The following LOXHD1 variants were observed in gnomAD, a reference collection of about 807,000 sequenced individuals.
LOXHD1 encodes lipoxygenase homology PLAT domains 1.
LOXHD1 carries 205 observed loss-of-function variants against 248.2 expected under a neutral mutation model. The ratio of observed to expected loss-of-function variants is 0.83; its 90% CI spans 0.74 to 0.93. The LOEUF (loss-of-function observed/expected upper bound fraction) is 0.93, where lower values mean the gene tolerates loss of function less well. Among genes scored for constraint, LOXHD1 ranks in the 40% least tolerant of loss-of-function variants. The probability of loss-of-function intolerance (pLI) is 0.00; values close to 1 mark genes in which losing one functional copy is unlikely to be tolerated. For synonymous variants in LOXHD1, 1,113 were observed against 1,162.8 expected (o/e 0.96, Z 0.87); for missense variants, 2,930 against 2,971.6 (o/e 0.99, Z 0.33).
At chr18:46,585,256 G>A (rs670609) in intron 12 of LOXHD1, among the ~76,000 whole-genome samples, 30,116 of 152,016 alleles carry the variant, frequency 0.2, 3,522 homozygotes, top group African/African-American at 0.31. Flanking sequence ...AAAGGAAGAA[G>A]TATCTTATTC....
intron 37 of LOXHD1, among the ~76,000 whole-genome samples, chr18:46,502,931 C>T (rs2034327782): frequency 6.6e-6 from 1 of 152,100 alleles, no homozygotes; most frequent in Non-Finnish European, 1.5e-5. Flanking sequence ...TTCTTCCTTC[C>T]CAGGGTTCTA....
intron 6 of LOXHD1, among the ~76,000 whole-genome samples, chr18:46,609,275 C>CA (rs1292490041): frequency 1.3e-5 from 2 of 152,168 alleles, no homozygotes; most frequent in African/African-American, 4.8e-5. Context: ...GCAGCTGCAC[C>CA]AGCCCTGAGC....
At chr18:46,526,219 A>T (rs1380036776) in intron 29 of LOXHD1, among the ~76,000 whole-genome samples, 2 of 152,160 alleles carry the variant, frequency 1.3e-5, no homozygotes, top group African/African-American at 2.4e-5. Context: ...GATGTTTACC[A>T]CAGATAATTT....
At chr18:46,561,547 C>G (rs2037530607) in intron 18 of LOXHD1, among the ~76,000 whole-genome samples, 1 of 152,204 alleles carries the variant, frequency 6.6e-6, no homozygotes, top group Admixed American at 6.5e-5. Context: ...GGGGTTTGAT[C>G]CTTCTCAAAG....
chr18:46,529,132 C>T (rs532836820), intron 29 of LOXHD1, 45 bp downstream of exon 29: 1 of 1,549,818 alleles, frequency 6.5e-7, no homozygotes, highest in East Asian at 2.4e-5. Flanking sequence ...GATCGCTGGG[C>T]CTGGAGAGGA....
At position 46,534,464 on chromosome 18, in the gene LOXHD1, G is replaced by A; in HGVS notation, c.4096-13C>T. The A allele has an allele frequency of 6.5e-7, 1 of 1,535,646 alleles. No homozygotes were observed. The highest frequency in any genetic ancestry group is 8.8e-7 in the Non-Finnish European group (1 of 1,132,320). On this transcript the variant is annotated splice_polypyrimidine_tract_variant and intron_variant, in intron 26 of 40. Coordinates refer to ENST00000642948, the MANE Select transcript of LOXHD1 (RefSeq NM_001384474.1). The stretch of plus-strand genomic sequence containing the variant: ...CCACATCTTCTAACTTTGGAAAGGA[G>A]ATAAGGCACTGAATGTTAGCTGAAA...
chr18:46,477,813 T>C lies in LOXHD1; in HGVS notation c.6481A>G (p.Thr2161Ala), dbSNP rs2032151816. The C allele has an allele frequency of 1.3e-6, 2 of 1,551,852 alleles. No individual in the cohort carries two copies. The highest frequency in any genetic ancestry group is 4.9e-5 in the East Asian group (2 of 40,926). Reference protein sequence around the residue: ...LVPVKYEVIVTTGYEPGAGTD... With the variant: ...LVPVKYEVIVATGYEPGAGTD... ...CCTGCCCCTGGCTCATAGCCTGTTG[T>C]CACGATGACTTCGTACTTGACGGGC... is the stretch of plus-strand genomic sequence containing the variant. Residue 2161 changes from threonine (T) to alanine (A), a missense_variant, in exon 41 of 41, where the codon ACA (threonine) becomes GCA (alanine). Physicochemically the swap from Thr to Ala is moderately conservative, Grantham distance 58 (BLOSUM62 0). Coordinates refer to ENST00000642948, the MANE Select transcript of LOXHD1 (RefSeq NM_001384474.1).
intron 21 of LOXHD1, among the ~76,000 whole-genome samples, chr18:46,548,902 T>C (rs1368043374): frequency 6.6e-6 from 1 of 152,210 alleles, no homozygotes; most frequent in African/African-American, 2.4e-5. Context: ...GATACTTGCA[T>C]CATGACTTTA....
chr18:46,610,944 A>C lies in LOXHD1; in HGVS notation c.611-20T>G, dbSNP rs774128977. On this transcript the variant is annotated intron_variant, in intron 5 of 40. Coordinates refer to ENST00000642948, the MANE Select transcript of LOXHD1 (RefSeq NM_001384474.1). ...GCTCCCCTGTATGCACAGACATACAAAAGAAATTACAAAAAGACCAGAAGA... is the reference window on the plus strand; with the variant it reads ...GCTCCCCTGTATGCACAGACATACACAAGAAATTACAAAAAGACCAGAAGA... 39 of 1,549,330 alleles carry C rather than the reference A, an allele frequency of 2.5e-5. No homozygotes were observed. The Admixed American group carries it at 2.8e-4, about 11-fold the overall frequency.
At chr18:46,491,141 C>T (rs1360043155) in intron 37 of LOXHD1, among the ~76,000 whole-genome samples, 2 of 152,192 alleles carry the variant, frequency 1.3e-5, no homozygotes, top group African/African-American at 2.4e-5. Context: ...TGTCCTCCTC[C>T]CACCATTCAT....
Position 46,559,556 on chromosome 18 carries a change from G to A in LOXHD1, c.3108C>T (p.Ala1036=), listed in dbSNP as rs727503145. Residue 1036 remains alanine (A), a synonymous_variant, in exon 20 of 41, where the codon GCC becomes GCT. Coordinates refer to ENST00000642948, the MANE Select transcript of LOXHD1 (RefSeq NM_001384474.1). ...TTAGGTAGACGTTAGCATCAGTGCC[G>A]GCCTTGGGCACATTCCCCGTGACCA... The part of the protein sequence containing the change: ...VQVVTGNVPK[A]GTDANVYLTI... The A allele has an allele frequency of 1.4e-5, 22 of 1,551,880 alleles. No homozygotes were observed. The highest frequency in any genetic ancestry group is 4.1e-5 in the African/African-American group (3 of 73,144).
At chr18:46,569,699 AG>A in intron 15 of LOXHD1, 61 bp from the exon 16 acceptor site, 1 of 1,400,692 alleles carries the variant, frequency 7.1e-7, no homozygotes, top group South Asian at 1.3e-5. Flanking sequence ...GACAGGAAGC[AG>A]GGTGCGTGTA....
chr18:46,509,643 C>G, intron 35 of LOXHD1, 55 bp downstream of exon 35: 2 of 1,310,706 alleles, frequency 1.5e-6, no homozygotes, highest in Non-Finnish European at 2.2e-6. Context: ...CCAGAGGAAC[C>G]AGGGGAAGGG....
chr18:46,610,929 A>G lies in LOXHD1; in HGVS notation c.611-5T>C, dbSNP rs2038498708. On this transcript the variant is annotated splice_polypyrimidine_tract_variant and splice_region_variant and intron_variant, in intron 5 of 40. Transcript: ENST00000642948. ...CATTTTCTAGCCTACGCTCCCCTGT[A>G]TGCACAGACATACAAAAGAAATTAC... is the stretch of plus-strand genomic sequence containing the variant. 1 of 1,551,240 alleles carries G rather than the reference A, an allele frequency of 6.4e-7. No individual in the cohort carries two copies.
chr18:46,653,075 C>T (rs1286191033), intron 1 of LOXHD1, among the ~76,000 whole-genome samples: 6 of 152,082 alleles, frequency 3.9e-5, no homozygotes, highest in African/African-American at 9.7e-5. Context: ...GGTGAAACCC[C>T]GTCTCTACTA....
At chr18:46,488,825 C>G in intron 38 of LOXHD1, 147 bp downstream of exon 38, 1 of 891,836 alleles carries the variant, frequency 1.1e-6, no homozygotes, top group Non-Finnish European at 1.7e-6. Context: ...TCCAGTTTCA[C>G]CAAACAGCAT....
intron 34 of LOXHD1, 144 bp downstream of exon 34, chr18:46,517,985 G>T: frequency 9.7e-7 from 1 of 1,028,714 alleles, no homozygotes; most frequent in Non-Finnish European, 1.4e-6. Flanking sequence ...GAAAGGTACT[G>T]AGACAGAATA....
At chr18:46,655,815 C>T (rs1000486792) in intron 1 of LOXHD1, among the ~76,000 whole-genome samples, 3 of 152,182 alleles carry the variant, frequency 2.0e-5, no homozygotes, top group East Asian at 1.9e-4. Flanking sequence ...GGCTGCAAGC[C>T]GGACACAGCT....
chr18:46,620,589 T>C (rs1428621752), intron 4 of LOXHD1, among the ~76,000 whole-genome samples: 2 of 152,202 alleles, frequency 1.3e-5, no homozygotes, highest in African/African-American at 2.4e-5. Context: ...TCTAAGGCTA[T>C]TCAACAAAGG....
Sources: allele counts gnomAD v4.1 joint callset (sites outside exome capture counted in the v4.1 genomes callset), GRCh38; gene constraint gnomAD v4.1.1; transcripts MANE v1.5; gene names NCBI Gene and HGNC (gene_info 2026-07-23, HGNC 2026-07-21).